The following SLC22A23 variants were observed in gnomAD, a reference collection of about 807,000 sequenced individuals.
SLC22A23 encodes the protein ion transporter protein.
Under a neutral mutation model 61.0 loss-of-function variants are expected in SLC22A23, and 26 were observed. The observed-to-expected ratio is 0.43, with a 90% CI of 0.31 to 0.59. The LOEUF is 0.59. Ranked by LOEUF, SLC22A23 falls within the 20% of genes least tolerant of loss-of-function variation. The pLI is 0.11. For synonymous variants in SLC22A23, 430 were observed against 413.9 expected (o/e 1.04, Z -0.47); for missense variants, 796 against 934.7 (o/e 0.85, Z 1.94).
chr6:3,402,839 T>C (rs183560679), intron 3 of SLC22A23, among the ~76,000 whole-genome samples: 18 of 152,290 alleles, frequency 1.2e-4, no homozygotes, highest in East Asian at 1.9e-4. Context: ...AAGGGTTTAG[T>C]ATGTAATCAA....
chr6:3,291,725 C>T (rs1335357370), intron 5 of SLC22A23: 1 of 152,180 alleles, frequency 6.6e-6, no homozygotes, highest in Non-Finnish European at 1.5e-5. Context: ...ACCTTGGATC[C>T]AATGATCTGA....
At chr6:3,306,747 G>C (rs1012391030) in intron 4 of SLC22A23, among the ~76,000 whole-genome samples, 11 of 151,958 alleles carry the variant, frequency 7.2e-5, no homozygotes, top group Admixed American at 2.0e-4. Context: ...ACCCCAGGTG[G>C]GGGGAGAGAA....
chr6:3,438,150 G>A (rs900133341), intron 1 of SLC22A23, among the ~76,000 whole-genome samples: 3 of 152,160 alleles, frequency 2.0e-5, no homozygotes, highest in African/African-American at 7.2e-5. Flanking sequence ...CCGTGTGCTA[G>A]AGGCACCAAG....
At chr6:3,409,534 T>G (rs545014664) in intron 3 of SLC22A23, among the ~76,000 whole-genome samples, 2 of 152,288 alleles carry the variant, frequency 1.3e-5, no homozygotes, top group East Asian at 3.9e-4. Context: ...CTAAAAAGTA[T>G]AAAGCCAGTA....
At position 3,441,879 on chromosome 6, in the gene SLC22A23, G is replaced by A. The variant is rs545278528; in HGVS notation, c.654+14027C>T. ...GGGCAGATGTTCTGAGAGGAAGACA[G>A]GGACACCACGCAAGCAGCTGCAGCA... On this transcript the variant is annotated intron_variant, in intron 1 of 9. Coordinates refer to ENST00000406686, the MANE Select transcript of SLC22A23 (RefSeq NM_015482.2). Among the ~76,000 whole-genome samples the A allele has an allele frequency of 3.9e-4, 60 of 152,300 alleles. 4 individuals are homozygous for A. The South Asian group carries it at 0.012, about 31-fold the overall frequency.
Position 3,308,031 on chromosome 6 carries a change from T to C in SLC22A23, c.1083-9813A>G, listed in dbSNP as rs1762108784. ...CACATCAGGCACTAGAGGAGTCAAA[T>C]TCATAGCAAGTAGAGTGGGGGCTGC... On this transcript the variant is annotated intron_variant, in intron 4 of 9. Coordinates refer to ENST00000406686, the MANE Select transcript of SLC22A23 (RefSeq NM_015482.2). This position sits in a 1 kb window ranked among gnomAD's most constrained non-coding sequence, Gnocchi z 5.1. 6.6e-6 allele frequency among the ~76,000 whole-genome samples: 1 copy of C among 152,056 alleles called. No homozygotes were observed. The highest frequency in any genetic ancestry group is 2.1e-4 in the South Asian group (1 of 4,818).
intron 4 of SLC22A23, among the ~76,000 whole-genome samples, chr6:3,319,237 C>T (rs1762811274): frequency 6.6e-6 from 1 of 152,152 alleles, no homozygotes; most frequent in Admixed American, 6.5e-5. Context: ...TCTTGTCCAC[C>T]ATGCTCCAGC....
In SLC22A23 at chr6:3,323,995, C is replaced by T; in HGVS notation, c.921G>A (p.Glu307=). ...TGAACCGTTTTCCAGGGGGGCACAGCTCTATTCCTAGAACACAGAACCAAT... is the reference window on the plus strand; with the variant it reads ...TGAACCGTTTTCCAGGGGGGCACAGTTCTATTCCTAGAACACAGAACCAAT... ...IILTLYALRI[E]LCPPGKRFMI... The change falls in exon 4 of 10, where the codon GAG becomes GAA. Residue 307 remains glutamate, a synonymous_variant. Coordinates refer to ENST00000406686, the MANE Select transcript of SLC22A23 (RefSeq NM_015482.2). 2 of 1,614,104 alleles carry T rather than the reference C, an allele frequency of 1.2e-6. No homozygotes were observed. Among genetic ancestry groups the T allele is most frequent in the Non-Finnish European group, 1.7e-6 (2 of 1,179,958 alleles).
intron 1 of SLC22A23, among the ~76,000 whole-genome samples, chr6:3,423,098 G>A (rs1770257889): frequency 6.6e-6 from 1 of 151,588 alleles, no homozygotes. Flanking sequence ...TCTGCGCAGT[G>A]CAGCCTTCCC....
At chr6:3,292,648 C>T (rs924178923) in intron 5 of SLC22A23, among the ~76,000 whole-genome samples, 1 of 152,232 alleles carries the variant, frequency 6.6e-6, no homozygotes, top group African/African-American at 2.4e-5. Flanking sequence ...TCACGGATCC[C>T]CGTGTGGTCG....
intron 9 of SLC22A23, 28 bp from the exon 10 acceptor site, chr6:3,273,440 G>A (rs1190498735): frequency 1.2e-6 from 2 of 1,607,224 alleles, no homozygotes; most frequent in African/African-American, 1.3e-5. Flanking sequence ...CACAGGGATT[G>A]CTGCTGTGGG....
At chr6:3,384,618 A>T (rs1385869538) in intron 3 of SLC22A23, among the ~76,000 whole-genome samples, 2 of 152,234 alleles carry the variant, frequency 1.3e-5, no homozygotes, top group Admixed American at 6.5e-5. Flanking sequence ...TTCTATTTTT[A>T]AAAATGTCAA....
At chr6:3,404,818 C>T (rs969906584) in intron 3 of SLC22A23, among the ~76,000 whole-genome samples, 5 of 152,154 alleles carry the variant, frequency 3.3e-5, no homozygotes, top group Admixed American at 2.0e-4. Context: ...AAATTTACTC[C>T]TTTGCTTTTC....
chr6:3,378,707 G>C (rs1482968587), intron 3 of SLC22A23, among the ~76,000 whole-genome samples: 2 of 144,390 alleles, frequency 1.4e-5, no homozygotes, highest in African/African-American at 5.2e-5. Context: ...GCCCAGGCTG[G>C]AGTGCAATGG....
chr6:3,285,225 C>CAA, intron 7 of SLC22A23, 114 bp from the exon 8 acceptor site: 1 of 1,420,428 alleles, frequency 7.0e-7, no homozygotes, highest in African/African-American at 1.4e-5. Flanking sequence ...CGACTTGGTT[C>CAA]AAGCAAACTC....
chr6:3,319,425 C>A (rs557447381), intron 4 of SLC22A23, among the ~76,000 whole-genome samples: 1 of 152,280 alleles, frequency 6.6e-6, no homozygotes, highest in South Asian at 2.1e-4. Flanking sequence ...CCTGACCACC[C>A]TACTTGGTAC....
rs1186691582 is a variant in SLC22A23, at chr6:3,274,826, AAATT to A, written c.1704-1418_1704-1415del. Among the ~76,000 whole-genome samples, 4 of 152,000 alleles carry A rather than the reference AAATT, an allele frequency of 2.6e-5. No homozygotes were observed. In the East Asian group the frequency reaches 5.8e-4, roughly 22 times the overall value. On this transcript the variant is annotated intron_variant, in intron 9 of 9. Transcript: ENST00000406686. ...GCTGAAAAAGATAAAACATTGCTGAAAATTAAAAGATAAAAATAAATGGAGTGAC... is the reference window on the plus strand; with the variant it reads ...GCTGAAAAAGATAAAACATTGCTGAAAAAAGATAAAAATAAATGGAGTGAC...
At chr6:3,345,714 A>G (rs1265039760) in intron 3 of SLC22A23, among the ~76,000 whole-genome samples, 1 of 152,160 alleles carries the variant, frequency 6.6e-6, no homozygotes, top group African/African-American at 2.4e-5. Context: ...GGACAAGAGG[A>G]TAAGAGAAAC....
Position 3,328,510 on chromosome 6 carries a change from T to C in SLC22A23, c.914-4508A>G, listed in dbSNP as rs1270796364. Reference sequence around the variant, plus strand: ...CGGGGCTGCAGTCTTAGGCATTTGCTCAAACAGGAACCCCGGTGCTGCCAG... The same window carrying C: ...CGGGGCTGCAGTCTTAGGCATTTGCCCAAACAGGAACCCCGGTGCTGCCAG... On this transcript the variant is annotated intron_variant, in intron 3 of 9. Transcript: ENST00000406686. This position sits in a 1 kb window ranked among gnomAD's most constrained non-coding sequence, Gnocchi z 5.0. Among the ~76,000 whole-genome samples the C allele has an allele frequency of 6.6e-6, 1 of 152,056 alleles. No homozygotes were observed. Among genetic ancestry groups the C allele is most frequent in the Admixed American group, 6.6e-5 (1 of 15,254 alleles).
Sources: allele counts gnomAD v4.1 joint callset (sites outside exome capture counted in the v4.1 genomes callset), GRCh38; gene constraint gnomAD v4.1.1; non-coding constraint Gnocchi (gnomAD v3.1); transcripts MANE v1.5; gene names NCBI Gene and HGNC (gene_info 2026-07-23, HGNC 2026-07-21).